MASP1: variants seen among roughly 807,000 people sequenced by gnomAD.
The protein encoded by MASP1 is mannan-binding lectin serine protease 1.
MASP1 carries 59 observed loss-of-function variants against 77.1 expected under a neutral mutation model. The observed-to-expected ratio is 0.77, with a 90% confidence interval of 0.62 to 0.95. The LOEUF is 0.95. Among genes scored for constraint, MASP1 ranks in the 40% least tolerant of loss-of-function variants. MASP1 has a pLI of 0.00. For synonymous variants in MASP1, 362 were observed against 354.5 expected (o/e 1.02, Z -0.24); for missense variants, 885 against 912.9 (o/e 0.97, Z 0.39).
chr3:187,286,444 G>A (rs957399652), intron 1 of MASP1, among the ~76,000 whole-genome samples: 16 of 152,154 alleles, frequency 1.1e-4, no homozygotes, highest in Middle Eastern at 3.4e-3. Flanking sequence ...TTATCATACT[G>A]GGTGAGGCTT....
In MASP1 at chr3:187,288,994, T is replaced by C. The variant is rs954495092; in HGVS notation, c.5+2634A>G. Among the ~76,000 whole-genome samples, 5 of 152,154 alleles carry C rather than the reference T, an allele frequency of 3.3e-5. No homozygotes were observed. The East Asian group carries it at 9.7e-4, about 29-fold the overall frequency. ...GCCTGCTTGCGTTAGGGGCTGTAAA[T>C]TGAAGAATATAAGTGGCAGCTTTCA... On this transcript the variant is annotated intron_variant, in intron 1 of 10. Coordinates refer to ENST00000296280, the MANE Select transcript of MASP1 (RefSeq NM_139125.4).
chr3:187,263,865 G>T (rs1310922895), intron 2 of MASP1, among the ~76,000 whole-genome samples: 1 of 152,012 alleles, frequency 6.6e-6, no homozygotes, highest in Non-Finnish European at 1.5e-5. Context: ...TAGCTAGTTG[G>T]TATATTTATT....
chr3:187,291,057 C>A (rs1186887991), intron 1 of MASP1, among the ~76,000 whole-genome samples: 1 of 151,942 alleles, frequency 6.6e-6, no homozygotes, highest in Non-Finnish European at 1.5e-5. Flanking sequence ...CACCAGCTGC[C>A]TCTGATTTCA....
chr3:187,243,650 C>T, intron 8 of MASP1, 29 bp from the exon 9 acceptor site: 1 of 1,613,806 alleles, frequency 6.2e-7, no homozygotes, highest in Non-Finnish European at 8.5e-7. Context: ...GACCCCTCAA[C>T]TGCCTTTTGC....
At chr3:187,268,616 G>A (rs1716255766) in intron 2 of MASP1, among the ~76,000 whole-genome samples, 1 of 152,208 alleles carries the variant, frequency 6.6e-6, no homozygotes, top group Non-Finnish European at 1.5e-5. Flanking sequence ...TGGCTAAGGA[G>A]ATCTCTAGAC....
At chr3:187,287,728 T>C (rs1473631696) in intron 1 of MASP1, among the ~76,000 whole-genome samples, 6 of 152,226 alleles carry the variant, frequency 3.9e-5, no homozygotes, top group African/African-American at 1.2e-4. Context: ...GAGTCTTAGA[T>C]AGCCTAAAAA....
chr3:187,278,314 T>G (rs1264688466), intron 2 of MASP1, among the ~76,000 whole-genome samples: 1 of 152,212 alleles, frequency 6.6e-6, no homozygotes, highest in African/African-American at 2.4e-5. Flanking sequence ...TAGACCCTCA[T>G]GTCATTCAAA....
intron 2 of MASP1, among the ~76,000 whole-genome samples, chr3:187,285,047 T>A (rs1213376648): frequency 6.6e-6 from 1 of 152,110 alleles, no homozygotes; most frequent in Non-Finnish European, 1.5e-5. Context: ...GGTTCTTAGG[T>A]CTCCACGTCT....
intron 13 of MASP1, among the ~76,000 whole-genome samples, chr3:187,224,377 C>T (rs6762562): frequency 2.3e-4 from 30 of 130,144 alleles, no homozygotes; most frequent in African/African-American, 3.8e-4. Flanking sequence ...GACGGAGTCT[C>T]GCTCTGTCGC....
downstream of MASP1, chr3:187,229,957 C>T: frequency 6.3e-7 from 1 of 1,595,180 alleles, no homozygotes; most frequent in Non-Finnish European, 8.6e-7. Flanking sequence ...TTGCCCACTG[C>T]CAGAGCTCCC....
intron 1 of MASP1, 104 bp downstream of exon 1, chr3:187,291,524 G>T: frequency 6.8e-7 from 1 of 1,460,096 alleles, no homozygotes; most frequent in Non-Finnish European, 9.6e-7. Context: ...ACTACCACAT[G>T]CAGGACACGC....
intron 1 of MASP1, among the ~76,000 whole-genome samples, chr3:187,289,756 C>T (rs774467592): frequency 1.3e-5 from 2 of 152,136 alleles, no homozygotes; most frequent in Admixed American, 6.5e-5. Context: ...TAGAAAAAAT[C>T]CTGAACTTGG....
In MASP1 at chr3:187,220,873, G is replaced by A. The variant is rs75448027; in HGVS notation, c.1909+162C>T. Among the ~76,000 whole-genome samples, 399 of 152,298 alleles carry A rather than the reference G, an allele frequency of 2.6e-3. 9 individuals are homozygous for A. Among genetic ancestry groups the A allele is most frequent in the Admixed American group, 0.021 (319 of 15,300 alleles). The stretch of plus-strand genomic sequence containing the variant: ...ATCCTGTAAATATCTTTTCTCCGAT[G>A]CATCTTCTCCTGTGGAATCCCTCCT... On this transcript the variant is annotated intron_variant, in intron 15 of 15. Transcript: ENST00000337774.
intron 9 of MASP1, 58 bp downstream of exon 9, chr3:187,243,426 A>G (rs1713820500): frequency 2.5e-6 from 4 of 1,602,834 alleles, no homozygotes; most frequent in Non-Finnish European, 3.4e-6. Context: ...CCCCAGTCCA[A>G]CCCTGAGGCC....
At chr3:187,272,206 T>C (rs898525931) in intron 2 of MASP1, among the ~76,000 whole-genome samples, 16 of 149,556 alleles carry the variant, frequency 1.1e-4, no homozygotes, top group Admixed American at 4.7e-4. Flanking sequence ...AGATCTTAGA[T>C]GTTCAAGAAA....
intron 2 of MASP1, among the ~76,000 whole-genome samples, chr3:187,264,031 TTAG>T (rs1715821161): frequency 6.6e-6 from 1 of 152,234 alleles, no homozygotes; most frequent in South Asian, 2.1e-4. Context: ...TTCAAAGTCA[TTAG>T]AGAAAAGTTC....
exon 14 of MASP1, chr3:187,223,145 G>A: frequency 6.2e-7 from 1 of 1,614,116 alleles, no homozygotes. Context: ...GGGTCTCTGG[G>A]AACCTTTGCA....
chr3:187,230,013 C>T (rs850317), downstream of MASP1: 363,450 of 1,165,430 alleles, frequency 0.31, 59,771 homozygotes, highest in Non-Finnish European at 0.34. Context: ...GCTCCTCCAC[C>T]ATTAATTGAC....
intron 1 of MASP1, among the ~76,000 whole-genome samples, chr3:187,287,476 G>T (rs552471152): frequency 6.6e-6 from 1 of 152,128 alleles, no homozygotes; most frequent in Non-Finnish European, 1.5e-5. Flanking sequence ...ATTGCACTAC[G>T]TTAGACACAC....
Sources: gnomAD v4.1 joint callset for allele counts (sites outside exome capture counted in the v4.1 genomes callset) on GRCh38, gnomAD v4.1.1 for gene constraint, MANE v1.5 for transcripts, NCBI Gene and HGNC (gene_info 2026-07-23, HGNC 2026-07-21) for gene names.